The following GRIK4 variants were observed in gnomAD, a reference collection of about 807,000 sequenced individuals.
GRIK4 encodes the protein glutamate ionotropic receptor kainate type subunit 4, also known as glutamate receptor ionotropic, kainate 4.
In GRIK4, 40 loss-of-function variants were observed where a neutral mutation model predicts 104.9. That is an observed-to-expected ratio of 0.38 (90% confidence interval 0.30 to 0.50). GRIK4 has a LOEUF of 0.50. Ranked by LOEUF, GRIK4 falls within the 20% of genes least tolerant of loss-of-function variation. The probability of loss-of-function intolerance (pLI) is 0.93; values close to 1 mark genes in which losing one functional copy is unlikely to be tolerated. For synonymous variants in GRIK4, 485 were observed against 524.9 expected (o/e 0.92, Z 1.04); for missense variants, 1,047 against 1,308.1 (o/e 0.80, Z 3.08).
At chr11:120,825,761 C>T (rs983514603) in intron 6 of GRIK4, among the ~76,000 whole-genome samples, 6 of 152,168 alleles carry the variant, frequency 3.9e-5, no homozygotes, top group African/African-American at 9.7e-5. Context: ...TGTAACAAGA[C>T]GATAATAATG....
chr11:120,660,593 C>T (rs912321087), intron 3 of GRIK4, among the ~76,000 whole-genome samples, 193 bp downstream of exon 3: 1 of 152,204 alleles, frequency 6.6e-6, no homozygotes, highest in Non-Finnish European at 1.5e-5. Context: ...ATCTGGTCAA[C>T]CTGCTGAGCT....
chr11:120,533,495 T>C (rs1336065293), intron 1 of GRIK4, among the ~76,000 whole-genome samples: 1 of 152,224 alleles, frequency 6.6e-6, no homozygotes, highest in Non-Finnish European at 1.5e-5. Flanking sequence ...GCCTCACTGC[T>C]GCTGTCTGGC....
intron 14 of GRIK4, among the ~76,000 whole-genome samples, chr11:120,945,482 C>A (rs1489801264): frequency 6.6e-6 from 1 of 152,116 alleles, no homozygotes. Context: ...GCAGTATTTA[C>A]TTGACAGGAA....
chr11:120,595,665 C>T (rs750814365), intron 1 of GRIK4, among the ~76,000 whole-genome samples: 9 of 152,188 alleles, frequency 5.9e-5, no homozygotes, highest in Non-Finnish European at 1.3e-4. Context: ...GCATATGCAT[C>T]TCAGTTTGCT....
At chr11:120,799,973 G>A (rs1343646671) in intron 3 of GRIK4, among the ~76,000 whole-genome samples, 1 of 151,452 alleles carries the variant, frequency 6.6e-6, no homozygotes, top group Non-Finnish European at 1.5e-5. Context: ...TCAGCACCCC[G>A]AGTAGCTGGG....
intron 3 of GRIK4, among the ~76,000 whole-genome samples, chr11:120,721,357 G>A (rs1591834354): frequency 1.3e-5 from 2 of 152,182 alleles, no homozygotes; most frequent in Admixed American, 6.5e-5. Context: ...CCATGGCAAA[G>A]GCAATGTTTT....
At chr11:120,781,712 G>T (rs543881335) in intron 3 of GRIK4, among the ~76,000 whole-genome samples, 1 of 152,172 alleles carries the variant, frequency 6.6e-6, no homozygotes, top group Non-Finnish European at 1.5e-5. Flanking sequence ...TGGTGCAGAG[G>T]GATGCAAGCG....
chr11:120,567,237 G>T (rs1350974906), intron 1 of GRIK4, among the ~76,000 whole-genome samples: 2 of 152,004 alleles, frequency 1.3e-5, no homozygotes, highest in East Asian at 3.9e-4. Context: ...ATGGCTCACT[G>T]CAGCCTTGAC....
chr11:120,904,665 A>G (rs1019412043), intron 12 of GRIK4, among the ~76,000 whole-genome samples: 2 of 152,134 alleles, frequency 1.3e-5, no homozygotes, highest in African/African-American at 4.8e-5. Flanking sequence ...TGCTCCGGCT[A>G]CCCTGGAAGG....
At position 120,696,785 on chromosome 11, in the gene GRIK4, A is replaced by G. The variant is rs941052776; in HGVS notation, c.82+36385A>G. Among the ~76,000 whole-genome samples the G allele has an allele frequency of 3.9e-5, 6 of 152,070 alleles. No individual in the cohort carries two copies. In the South Asian group the frequency reaches 8.3e-4, roughly 21 times the overall value. On this transcript the variant is annotated intron_variant, in intron 3 of 20. Coordinates refer to ENST00000527524, the MANE Select transcript of GRIK4 (RefSeq NM_014619.5). ...CTCCCTCAACATGGTACCATTGCCAATGGGAGCGCCCCCTAGAGGGCCAGG... is the reference window on the plus strand; with the variant it reads ...CTCCCTCAACATGGTACCATTGCCAGTGGGAGCGCCCCCTAGAGGGCCAGG...
chr11:120,911,929 C>T (rs1354004676), intron 13 of GRIK4, among the ~76,000 whole-genome samples: 1 of 151,182 alleles, frequency 6.6e-6, no homozygotes, highest in African/African-American at 2.4e-5. Context: ...TTTTAAAAAA[C>T]TAAAAATTAT....
At chr11:120,739,309 C>T (rs1360780759) in intron 3 of GRIK4, among the ~76,000 whole-genome samples, 1 of 152,232 alleles carries the variant, frequency 6.6e-6, no homozygotes, top group African/African-American at 2.4e-5. Flanking sequence ...GCAGTGCTTA[C>T]CACACAAATG....
At chr11:120,867,851 C>T (rs970780710) in intron 9 of GRIK4, 6 of 152,050 alleles carry the variant, frequency 3.9e-5, no homozygotes, top group African/African-American at 9.7e-5. Flanking sequence ...CCATTAATCA[C>T]GCTGCAAAGA....
chr11:120,740,788 A>G (rs1030655158), intron 3 of GRIK4, among the ~76,000 whole-genome samples: 1 of 152,132 alleles, frequency 6.6e-6, no homozygotes, highest in African/African-American at 2.4e-5. Flanking sequence ...GTACCTGTAA[A>G]GTACAATGGC....
At chr11:120,929,746 G>A (rs557274072) in intron 13 of GRIK4, among the ~76,000 whole-genome samples, 7 of 152,234 alleles carry the variant, frequency 4.6e-5, no homozygotes, top group African/African-American at 1.2e-4. Context: ...CTGGTTGGGC[G>A]TCCCACATGA....
intron 1 of GRIK4, among the ~76,000 whole-genome samples, chr11:120,567,076 C>T (rs1433528308): frequency 1.4e-5 from 2 of 146,494 alleles, no homozygotes; most frequent in African/African-American, 5.1e-5. Flanking sequence ...CTGCCTTGAA[C>T]TCCTGGGCTC....
intron 4 of GRIK4, among the ~76,000 whole-genome samples, chr11:120,814,809 T>C (rs1001213575): frequency 9.9e-5 from 15 of 152,124 alleles, no homozygotes; most frequent in African/African-American, 3.6e-4. Flanking sequence ...CAGATGAAAC[T>C]TCTTTCTGCC....
At chr11:120,805,016 G>A (rs913716931) in intron 4 of GRIK4, among the ~76,000 whole-genome samples, 9 of 152,140 alleles carry the variant, frequency 5.9e-5, no homozygotes, top group South Asian at 2.1e-4. Flanking sequence ...TTATTCATTC[G>A]GTCAGTAAGT....
At chr11:120,789,670 AC>A (rs1205917027) in intron 3 of GRIK4, among the ~76,000 whole-genome samples, 1 of 151,678 alleles carries the variant, frequency 6.6e-6, no homozygotes, top group Non-Finnish European at 1.5e-5. Flanking sequence ...ATCCCAGTTC[AC>A]CAGTGAGACA....
Sources: allele counts gnomAD v4.1 joint callset (sites outside exome capture counted in the v4.1 genomes callset), GRCh38; gene constraint gnomAD v4.1.1; transcripts MANE v1.5; gene names NCBI Gene and HGNC (gene_info 2026-07-23, HGNC 2026-07-21).